Variants in RNF40 observed in about 807,000 individuals in gnomAD.
The protein encoded by RNF40 is ring finger protein 40, also known as E3 ubiquitin-protein ligase BRE1B.
In RNF40, 39 loss-of-function variants were observed where a neutral mutation model predicts 123.3. The ratio of observed to expected loss-of-function variants is 0.32; its 90% CI spans 0.24 to 0.41. The LOEUF is 0.41. Ranked by LOEUF, RNF40 falls within the 10% of genes least tolerant of loss-of-function variation. The probability of loss-of-function intolerance (pLI) is 1.00; values close to 1 mark genes in which losing one functional copy is unlikely to be tolerated. For missense variants in RNF40, 1,003 were observed against 1,319.9 expected, an observed-to-expected ratio of 0.76 and a Z score of 3.72; for synonymous variants, 538 against 526.0, an observed-to-expected ratio of 1.02 and a Z score of -0.31.
chr16:30,766,290 G>C lies in RNF40; in HGVS notation c.1113+8G>C. 3 of 1,614,074 alleles carry C rather than the reference G, an allele frequency of 1.9e-6. No homozygotes were observed. The highest frequency in any genetic ancestry group is 2.7e-5 in the African/African-American group (2 of 75,066). ...ACCAATGAGCGCCTCAAGGTGGGCT[G>C]CTGTAGGGGCTGAGAGGTCCTGGGC... On this transcript the variant is annotated splice_region_variant and intron_variant, in intron 9 of 19. Transcript: ENST00000324685. The surrounding 1 kb of genome is among the most constrained non-coding windows in gnomAD (Gnocchi z 5.4).
In RNF40 at chr16:30,762,377, C is replaced by CCG; in HGVS notation, c.-72+17_-72+18insCG. On this transcript the variant is annotated intron_variant, in intron 1 of 19. Transcript: ENST00000324685. Reference sequence around the variant, plus strand: ...CTCCTGCTGGTGAGGGCTCTGGCGCCGGGGGGGACGGGATCCAGCAGGTGT... The same window carrying CCG: ...CTCCTGCTGGTGAGGGCTCTGGCGCCCGGGGGGGGACGGGATCCAGCAGGTGT... The CCG allele has an allele frequency of 1.5e-6, 1 of 676,238 alleles. No individual in the cohort carries two copies. Among genetic ancestry groups the CCG allele is most frequent in the African/African-American group, 1.9e-5 (1 of 52,642 alleles). 41.9% of individuals were successfully genotyped at this position (676,238 alleles called of 1,614,324 possible).
chr16:30,764,820 A>T, intron 5 of RNF40, 118 bp from the exon 6 acceptor site: 1 of 1,424,292 alleles, frequency 7.0e-7, no homozygotes, highest in Non-Finnish European at 9.5e-7. Context: ...TGGCTTTGTC[A>T]TGAGAAATGG....
At position 30,765,455 on chromosome 16, in the gene RNF40, T is replaced by A; in HGVS notation, c.949T>A (p.Ser317Thr). 1 of 1,614,108 alleles carries A rather than the reference T, an allele frequency of 6.2e-7. No individual in the cohort carries two copies. Among genetic ancestry groups the A allele is most frequent in the Non-Finnish European group, 8.5e-7 (1 of 1,180,020 alleles). The change falls in exon 8 of 20, where the codon TCC becomes ACC. Residue 317 changes from serine (S) to threonine (T), a missense_variant. Transcript: ENST00000324685. The stretch of plus-strand genomic sequence containing the variant: ...CTCTGGCTACTATGTATCTGGGAGC[T>A]CCTCAGGCTTCCAGGGGGGCCAGAT... Reference protein sequence around the residue: ...LNSGYYVSGSSSGFQGGQITL... With the variant: ...LNSGYYVSGSTSGFQGGQITL...
chr16:30,764,029 T>G, intron 4 of RNF40, 150 bp from the exon 5 acceptor site: 4 of 652,458 alleles, frequency 6.1e-6, no homozygotes, highest in Non-Finnish European at 1.0e-5. Flanking sequence ...TGAATTTCAT[T>G]TGTCTCACTT....
At chr16:30,765,550 C>T in intron 8 of RNF40, 51 bp downstream of exon 8, 1 of 1,520,654 alleles carries the variant, frequency 6.6e-7, no homozygotes, top group South Asian at 1.1e-5. Flanking sequence ...CTCTGTTGCA[C>T]TCTTGAAATT....
At chr16:30,761,671 C>T (rs2053818797), upstream of RNF40, 1 of 1,535,912 alleles carries the variant, frequency 6.5e-7, no homozygotes, top group Non-Finnish European at 8.7e-7. Context: ...TCCCCGCTTC[C>T]CGCCGCAGCT....
intron 15 of RNF40, 58 bp from the exon 16 acceptor site, chr16:30,769,128 C>T: frequency 6.2e-7 from 1 of 1,600,276 alleles, no homozygotes; most frequent in South Asian, 1.1e-5. Flanking sequence ...CCATGGTTCC[C>T]CCACAGCCAT....
chr16:30,773,704 A>G (rs901386126), intron 19 of RNF40: 2 of 424,140 alleles, frequency 4.7e-6, no homozygotes, highest in Non-Finnish European at 8.4e-6. Flanking sequence ...GGGACACATG[A>G]TAGCCATCAC....
intron 19 of RNF40, 106 bp from the exon 20 acceptor site, chr16:30,773,832 G>C (rs753248690): frequency 3.5e-6 from 4 of 1,126,812 alleles, no homozygotes; most frequent in Non-Finnish European, 5.2e-6. Flanking sequence ...GGAGGATGAG[G>C]TGCAGTCTCC....
Position 30,772,103 on chromosome 16 carries a change from G to T in RNF40, c.2742G>T (p.Arg914=), listed in dbSNP as rs1327903963. The change falls in exon 19 of 20, where the codon CGG becomes CGT. Residue 914 remains arginine (R), a synonymous_variant. Coordinates refer to ENST00000324685, the MANE Select transcript of RNF40 (RefSeq NM_014771.4). ...TCCTGCCCCAGGAGGACATCTCACG[G>T]CTGCGGCGCAAGCTGGAAAAGCAGA... is the stretch of plus-strand genomic sequence containing the variant. ...NLKRAQEDIS[R]LRRKLEKQRK... is the part of the protein sequence containing the mutation. 6.4e-7 allele frequency: 1 copy of T among 1,560,336 alleles called. No homozygotes were observed. Among genetic ancestry groups the T allele is most frequent in the Non-Finnish European group, 8.7e-7 (1 of 1,152,040 alleles).
upstream of RNF40, chr16:30,761,859 G>A: frequency 9.4e-7 from 1 of 1,065,764 alleles, no homozygotes; most frequent in Non-Finnish European, 1.3e-6. Context: ...CCTCGCTCCG[G>A]CCAATCTACG....
intron 17 of RNF40, among the ~76,000 whole-genome samples, chr16:30,770,509 C>G (rs916481267): frequency 2.0e-5 from 3 of 152,136 alleles, no homozygotes; most frequent in Non-Finnish European, 4.4e-5. Context: ...TGGGTCCAAG[C>G]CTCCTTGACT....
rs2054037788 is a variant in RNF40, at chr16:30,766,646, A to T, written c.1293+88A>T. On this transcript the variant is annotated intron_variant, in intron 10 of 19. Transcript: ENST00000324685. The surrounding 1 kb of genome is among the most constrained non-coding windows in gnomAD (Gnocchi z 5.4). Reference sequence around the variant, plus strand: ...TGTGCCTTCCGAGGCCCTGTGTGCCAGCCAGGGGTCCCTGGGGAATAGATT... The same window carrying T: ...TGTGCCTTCCGAGGCCCTGTGTGCCTGCCAGGGGTCCCTGGGGAATAGATT... 2 of 1,586,928 alleles carry T rather than the reference A, an allele frequency of 1.3e-6. No individual in the cohort carries two copies. The highest frequency in any genetic ancestry group is 3.4e-5 in the Admixed American group (2 of 58,238).
chr16:30,765,175 T>A lies in RNF40; in HGVS notation c.772-6T>A. The A allele has an allele frequency of 6.2e-7, 1 of 1,614,102 alleles. No homozygotes were observed. Among genetic ancestry groups the A allele is most frequent in the Non-Finnish European group, 8.5e-7 (1 of 1,179,972 alleles). On this transcript the variant is annotated splice_region_variant and splice_polypyrimidine_tract_variant and intron_variant, in intron 6 of 19. Transcript: ENST00000324685. Reference sequence around the variant, plus strand: ...ATCCAAGCATCTGCTCCCTCATTGTTCCCAGTACTCCGAGCTCCAGGATAA... The same window carrying A: ...ATCCAAGCATCTGCTCCCTCATTGTACCCAGTACTCCGAGCTCCAGGATAA...
chr16:30,764,330 C>T lies in RNF40; in HGVS notation c.594C>T (p.Ala198=), dbSNP rs1394478935. ...SKAAVSRVVE[A]SDRLQRRVEE... The stretch of plus-strand genomic sequence containing the variant: ...CAGCTGTGTCTCGTGTGGTAGAGGC[C>T]TCAGACCGCCTACAGCGCCGGGTGG... The change falls in exon 5 of 20, where the codon GCC becomes GCT. Residue 198 remains alanine (A), a synonymous_variant. Coordinates refer to ENST00000324685, the MANE Select transcript of RNF40 (RefSeq NM_014771.4). The T allele has an allele frequency of 3.7e-6, 6 of 1,613,904 alleles. No individual in the cohort carries two copies. The highest frequency in any genetic ancestry group is 3.4e-4 in the Middle Eastern group (2 of 5,946).
rs1386188034 is a variant in RNF40 at position 30,775,001 on chromosome 16, C to G, written c.*887C>G. On this transcript the variant is annotated 3_prime_UTR_variant, in exon 20 of 20. Transcript: ENST00000324685. ...TCATTCCAGCTAGAAGAGCTTCCCC[C>G]TGACACCCTGTGACTGAGCCTGTGT... 2.2e-6 allele frequency: 1 copy of G among 456,558 alleles called. No homozygotes were observed. Among genetic ancestry groups the G allele is most frequent in the African/African-American group, 2.0e-5 (1 of 50,212 alleles). 28.3% of individuals were successfully genotyped at this position (456,558 alleles called of 1,614,324 possible).
upstream of RNF40, chr16:30,761,652 TGCGATCCTTCCCCGCTTCCCGCCGC>T (rs771788763): frequency 2.0e-6 from 3 of 1,535,954 alleles, no homozygotes; most frequent in South Asian, 3.6e-5. Flanking sequence ...TGCACTGAGC[TGCGATCCTTCCCCGCTTCCCGCCGC>T]AGCTCGGAGA....
rs781712025 is a variant in RNF40 at position 30,765,408 on chromosome 16, C to G, written c.919-17C>G. 1 of 1,614,174 alleles carries G rather than the reference C, an allele frequency of 6.2e-7. No homozygotes were observed. Among genetic ancestry groups the G allele is most frequent in the East Asian group, 2.2e-5 (1 of 44,890 alleles). On this transcript the variant is annotated splice_polypyrimidine_tract_variant and intron_variant, in intron 7 of 19. Transcript: ENST00000324685. ...CCTCCCCTCTACATCCATTGCCTGT[C>G]TGTTTTCTCTCCACAGCTTAACTCT...
chr16:30,770,907 T>G (rs1482128306), intron 17 of RNF40, among the ~76,000 whole-genome samples: 1 of 152,174 alleles, frequency 6.6e-6, no homozygotes, highest in Non-Finnish European at 1.5e-5. Context: ...AGACGGGGTT[T>G]CACTGTGTTT....
Sources: allele counts gnomAD v4.1 joint callset (sites outside exome capture counted in the v4.1 genomes callset), GRCh38; gene constraint gnomAD v4.1.1; non-coding constraint Gnocchi (gnomAD v3.1); transcripts MANE v1.5; gene names NCBI Gene and HGNC (gene_info 2026-07-23, HGNC 2026-07-21).